The following ATXN7L1 variants were observed in gnomAD, a reference collection of about 807,000 sequenced individuals.
ATXN7L1 encodes ataxin 7 like 1.
Under a neutral mutation model 70.8 loss-of-function variants are expected in ATXN7L1, and 15 were observed. The ratio of observed to expected loss-of-function variants is 0.21; its 90% CI spans 0.14 to 0.33. The LOEUF is 0.33. Among genes scored for constraint, ATXN7L1 ranks in the 10% least tolerant of loss-of-function variants. ATXN7L1 has a pLI of 1.00. For missense variants in ATXN7L1, 975 were observed against 1,097.1 expected, an observed-to-expected ratio of 0.89 and a Z score of 1.57; for synonymous variants, 440 against 445.1, an observed-to-expected ratio of 0.99 and a Z score of 0.14.
chr7:105,784,576 G>A (rs1304614587), intron 3 of ATXN7L1, among the ~76,000 whole-genome samples: 2 of 152,158 alleles, frequency 1.3e-5, no homozygotes, highest in Non-Finnish European at 2.9e-5. Context: ...AGTGGCACAG[G>A]AGAACAGAGT....
intron 3 of ATXN7L1, among the ~76,000 whole-genome samples, chr7:105,731,497 C>A (rs577393310): frequency 6.9e-6 from 1 of 144,724 alleles, no homozygotes; most frequent in Non-Finnish European, 1.5e-5. Flanking sequence ...TGCAATGGTG[C>A]GATCTCAGCT....
At chr7:105,713,967 G>A (rs1794226507) in intron 3 of ATXN7L1, among the ~76,000 whole-genome samples, 1 of 152,192 alleles carries the variant, frequency 6.6e-6, no homozygotes, top group Non-Finnish European at 1.5e-5. Context: ...CTGACTGCAA[G>A]GCCAGAGCAC....
intron 3 of ATXN7L1, among the ~76,000 whole-genome samples, chr7:105,775,697 G>A (rs1321247131): frequency 6.6e-6 from 1 of 152,206 alleles, no homozygotes; most frequent in Non-Finnish European, 1.5e-5. Flanking sequence ...CTCCTCCAGA[G>A]TTGGGAAACA....
chr7:105,717,040 A>C (rs953872159), intron 3 of ATXN7L1, among the ~76,000 whole-genome samples: 2 of 152,214 alleles, frequency 1.3e-5, no homozygotes, highest in African/African-American at 2.4e-5. Flanking sequence ...AGATATGTAC[A>C]TAATTTTTTA....
At chr7:105,749,637 G>C (rs1798961816) in intron 3 of ATXN7L1, among the ~76,000 whole-genome samples, 1 of 148,426 alleles carries the variant, frequency 6.7e-6, no homozygotes, top group South Asian at 2.2e-4. Context: ...AAAAAAAAAA[G>C]AGTGAGAGGT....
At chr7:105,610,426 G>A (rs1016169940) in intron 11 of ATXN7L1, 103 bp downstream of exon 11, 2 of 1,052,732 alleles carry the variant, frequency 1.9e-6, no homozygotes, top group Non-Finnish European at 2.8e-6. Context: ...GCTCTTAACT[G>A]GAGATGAGGT....
chr7:105,667,696 C>A (rs1398112069), intron 3 of ATXN7L1, among the ~76,000 whole-genome samples: 9 of 57,846 alleles, frequency 1.6e-4, no homozygotes, highest in South Asian at 1.4e-3. Flanking sequence ...GAGACTCCGT[C>A]TCAAAAAAAA....
At chr7:105,638,651 C>T in intron 6 of ATXN7L1, 42 bp from the exon 7 acceptor site, 1 of 1,498,132 alleles carries the variant, frequency 6.7e-7, no homozygotes, top group Non-Finnish European at 8.9e-7. Context: ...CTTTGATCAG[C>T]ACATAAACCT....
chr7:105,738,977 C>T (rs146101412), intron 3 of ATXN7L1, among the ~76,000 whole-genome samples: 2 of 152,036 alleles, frequency 1.3e-5, no homozygotes, highest in Admixed American at 6.6e-5. Flanking sequence ...AATTTGCAAC[C>T]AAGGTCCATC....
chr7:105,639,090 C>G (rs944573684), intron 6 of ATXN7L1, among the ~76,000 whole-genome samples: 4 of 152,170 alleles, frequency 2.6e-5, no homozygotes, highest in Non-Finnish European at 4.4e-5. Context: ...CCCGGTGTGG[C>G]TGGATCAGGG....
rs78661811 is a variant in ATXN7L1, at chr7:105,755,556, G to A, written c.355+33048C>T. ...AACGTGGAAAAAAATAAAGACCAGG[G>A]GAGTCTTCTGTAGCCAGAGCCTAGA... On this transcript the variant is annotated intron_variant, in intron 3 of 11. Coordinates refer to ENST00000419735, the MANE Select transcript of ATXN7L1 (RefSeq NM_020725.2). 8.5e-3 allele frequency among the ~76,000 whole-genome samples: 1,293 copies of A among 152,166 alleles called. 22 individuals are homozygous for A. Among genetic ancestry groups the A allele is most frequent in the African/African-American group, 0.029 (1,205 of 41,498 alleles).
intron 2 of ATXN7L1, among the ~76,000 whole-genome samples, chr7:105,818,053 C>T (rs1809459401): frequency 6.6e-6 from 1 of 152,136 alleles, no homozygotes; most frequent in Admixed American, 6.5e-5. Flanking sequence ...TCAAATGAAG[C>T]TGTAAGAAAA....
chr7:105,851,016 C>T (rs1353914528), intron 2 of ATXN7L1, among the ~76,000 whole-genome samples: 4 of 152,158 alleles, frequency 2.6e-5, no homozygotes, highest in African/African-American at 9.7e-5. Context: ...TCCCACAACA[C>T]CTCCCTCCCC....
chr7:105,854,481 A>G (rs1483197737), intron 2 of ATXN7L1, among the ~76,000 whole-genome samples: 2 of 151,122 alleles, frequency 1.3e-5, no homozygotes, highest in African/African-American at 4.9e-5. Context: ...GAAAAAAAAA[A>G]AAAAAAAAGC....
intron 3 of ATXN7L1, among the ~76,000 whole-genome samples, chr7:105,733,937 C>A (rs1442981057): frequency 3.4e-5 from 3 of 88,958 alleles, no homozygotes; most frequent in Non-Finnish European, 5.4e-5. Flanking sequence ...ATCCATCATC[C>A]ATCCATCCAT....
chr7:105,738,347 C>T (rs543388089), intron 3 of ATXN7L1, among the ~76,000 whole-genome samples: 1 of 152,172 alleles, frequency 6.6e-6, no homozygotes, highest in Non-Finnish European at 1.5e-5. Flanking sequence ...CCATGTTGCT[C>T]CCACCACCAG....
rs145375786 is a variant in ATXN7L1, at chr7:105,853,173, T to C, written c.250+22639A>G. ...GGCAATGGTTGCACAACACTGTGAA[T>C]GTCCTTAGTAACGCTGAATTATACA... On this transcript the variant is annotated intron_variant, in intron 2 of 11. Transcript: ENST00000419735. 2.4e-4 allele frequency among the ~76,000 whole-genome samples: 37 copies of C among 152,372 alleles called. No individual in the cohort carries two copies. In the East Asian group the frequency reaches 6.2e-3, roughly 25 times the overall value.
chr7:105,843,070 G>A (rs930367779), intron 2 of ATXN7L1, among the ~76,000 whole-genome samples: 4 of 152,174 alleles, frequency 2.6e-5, no homozygotes, highest in Non-Finnish European at 5.9e-5. Context: ...GAAGGCGTGA[G>A]CTTGGTGCAG....
rs183366548 is a variant in ATXN7L1 at position 105,716,357 on chromosome 7, C to G, written c.356-51069G>C. Among the ~76,000 whole-genome samples the G allele has an allele frequency of 4.5e-4, 69 of 151,784 alleles. 1 individual carries two copies. The highest frequency in any genetic ancestry group is 2.0e-4 in the Admixed American group (3 of 15,214). ...GTGGCAAAATAGAAACCTGAGCAGA[C>G]CTCATCTTCTCATTCTTCCCGCAGC... is the stretch of plus-strand genomic sequence containing the variant. On this transcript the variant is annotated intron_variant, in intron 3 of 11. Transcript: ENST00000419735.
Sources: gnomAD v4.1 joint callset for allele counts (sites outside exome capture counted in the v4.1 genomes callset) on GRCh38, gnomAD v4.1.1 for gene constraint, MANE v1.5 for transcripts, NCBI Gene and HGNC (gene_info 2026-07-23, HGNC 2026-07-21) for gene names.